Variants in CMPK2 observed in about 807,000 individuals in gnomAD.
The protein encoded by CMPK2 is UMP-CMP kinase 2, mitochondrial.
CMPK2 carries 32 observed loss-of-function variants against 33.4 expected under a neutral mutation model. That is an observed-to-expected ratio of 0.96 (90% CI 0.72 to 1.29). The LOEUF (loss-of-function observed/expected upper bound fraction) is 1.29, where lower values mean the gene tolerates loss of function less well. Among genes scored for constraint, CMPK2 ranks in the 50% most tolerant of loss-of-function variants. The pLI is 0.00. For missense variants in CMPK2, 672 were observed against 616.0 expected (o/e 1.09, Z -0.96); for synonymous variants, 299 against 275.3 (o/e 1.09, Z -0.85).
In CMPK2 at chr2:6,849,516, C is replaced by T; in HGVS notation, c.*334G>A. On this transcript the variant is annotated 3_prime_UTR_variant, in exon 5 of 5. Transcript: ENST00000256722. ...ATCTGGAAGATCTTGTCTGCTGCTT[C>T]TGTACACCTGGTGCTGTCTGAGTAA... The T allele has an allele frequency of 5.7e-6, 6 of 1,059,808 alleles. No individual in the cohort carries two copies. The highest frequency in any genetic ancestry group is 5.7e-6 in the Non-Finnish European group (5 of 877,672). 65.7% of individuals were successfully genotyped at this position (1,059,808 alleles called of 1,614,324 possible).
At chr2:6,864,476 G>C (rs1035919924) in intron 1 of CMPK2, 2 of 152,264 alleles carry the variant, frequency 1.3e-5, no homozygotes, top group African/African-American at 4.8e-5. Flanking sequence ...GTCTCTTTCT[G>C]TGGGTACCTG....
At chr2:6,841,105 G>T (rs941976576) in intron 3 of CMPK2, among the ~76,000 whole-genome samples, 2 of 152,108 alleles carry the variant, frequency 1.3e-5, no homozygotes, top group Non-Finnish European at 2.9e-5. Flanking sequence ...GTGCTTTTGA[G>T]ACCCCTTGGG....
At chr2:6,850,067 G>A (rs1662470395) in intron 4 of CMPK2, 94 bp from the exon 5 acceptor site, 4 of 926,662 alleles carry the variant, frequency 4.3e-6, no homozygotes, top group Non-Finnish European at 5.0e-6. Context: ...ATAGCTTGAA[G>A]CAAGCTTCCC....
chr2:6,851,404 T>C, intron 4 of CMPK2, 46 bp downstream of exon 4: 4 of 1,612,752 alleles, frequency 2.5e-6, no homozygotes, highest in Non-Finnish European at 3.4e-6. Context: ...TTCATCTCCC[T>C]TCAGGAATGC....
At chr2:6,844,908 C>T (rs1181590418), downstream of CMPK2, among the ~76,000 whole-genome samples, 1 of 152,190 alleles carries the variant, frequency 6.6e-6, no homozygotes, top group Non-Finnish European at 1.5e-5. Flanking sequence ...TTAAGTGGCA[C>T]AACCAGAGGA....
downstream of CMPK2, among the ~76,000 whole-genome samples, chr2:6,846,876 A>G (rs1382571152): frequency 6.6e-6 from 1 of 152,226 alleles, no homozygotes; most frequent in Non-Finnish European, 1.5e-5. Context: ...TTCCCAGCCA[A>G]TGCACCAAAA....
At chr2:6,863,260 G>T (rs1662934033) in intron 2 of CMPK2, among the ~76,000 whole-genome samples, 1 of 152,156 alleles carries the variant, frequency 6.6e-6, no homozygotes, top group Non-Finnish European at 1.5e-5. Flanking sequence ...AGAGCACTGA[G>T]GATCCGCGCC....
Position 6,865,572 on chromosome 2 carries a change from A to G in CMPK2, c.125T>C (p.Leu42Pro). 1.5e-6 allele frequency: 2 copies of G among 1,369,220 alleles called. No homozygotes were observed. Among genetic ancestry groups the G allele is most frequent in the Non-Finnish European group, 1.9e-6 (2 of 1,061,052 alleles). The allele number at this position is 1,369,220 out of a possible 1,614,324, so 84.8% of individuals were successfully genotyped here. A position where few individuals can be genotyped will look rare whatever the true frequency, so the allele number is the denominator to read the frequency against. The change falls in exon 1 of 5, where the codon CTG becomes CCG. Residue 42 changes from leucine (L) to proline (P), a missense_variant. Leu to Pro is a moderately conservative substitution (Grantham distance 98). Transcript: ENST00000256722. The stretch of plus-strand genomic sequence containing the variant: ...GTCGGCGCCTAGGGCGAAGTGAGCC[A>G]GGGTGCAGTCGGGAAGCTCCAGGAC... The part of the protein sequence containing the change: ...RFVLELPDCT[L>P]AHFALGADAP...
intron 3 of CMPK2, among the ~76,000 whole-genome samples, chr2:6,859,764 G>T (rs1318138085): frequency 6.6e-6 from 1 of 152,232 alleles, no homozygotes; most frequent in African/African-American, 2.4e-5. Context: ...AGTGTGGAAG[G>T]GAAATGTGGG....
chr2:6,841,761 T>C (rs1443808420), intron 3 of CMPK2, among the ~76,000 whole-genome samples: 1 of 152,176 alleles, frequency 6.6e-6, no homozygotes, highest in Non-Finnish European at 1.5e-5. Flanking sequence ...GCTAGCCTAT[T>C]TCCTTCAGCT....
rs893295251 is a variant in CMPK2 at position 6,863,390 on chromosome 2, G to A, written c.790+74C>T. The A allele has an allele frequency of 1.6e-5, 22 of 1,340,126 alleles. No individual in the cohort carries two copies. The African/African-American group carries it at 2.6e-4, about 16-fold the overall frequency. The allele number at this position is 1,340,126 out of a possible 1,614,324, so 83.0% of individuals were successfully genotyped here. A position where few individuals can be genotyped will look rare whatever the true frequency, so the allele number is the denominator to read the frequency against. On this transcript the variant is annotated intron_variant, in intron 2 of 4. Transcript: ENST00000256722. ...AAGGCTCCATATAAAGTTTGGTTTTGCAGGAAGTATTTCTGTTTCTGCAAC... is the reference window on the plus strand; with the variant it reads ...AAGGCTCCATATAAAGTTTGGTTTTACAGGAAGTATTTCTGTTTCTGCAAC...
downstream of CMPK2, among the ~76,000 whole-genome samples, chr2:6,845,564 G>A (rs1403050026): frequency 6.6e-6 from 1 of 152,202 alleles, no homozygotes; most frequent in Non-Finnish European, 1.5e-5. Context: ...CAGTAGGGCA[G>A]GACTAGTCAT....
At position 6,850,696 on chromosome 2, in the gene CMPK2, A is replaced by G. The variant is rs141482601; in HGVS notation, c.1227-723T>C. On this transcript the variant is annotated intron_variant, in intron 4 of 4. Transcript: ENST00000256722. Reference sequence around the variant, plus strand: ...AGTTTAATGGAATTAATACAAGTAAATTGCTTAACATAATATCTTTACCCA... The same window carrying G: ...AGTTTAATGGAATTAATACAAGTAAGTTGCTTAACATAATATCTTTACCCA... 354 of 943,614 alleles carry G rather than the reference A, an allele frequency of 3.8e-4. No individual in the cohort carries two copies. The Middle Eastern group carries it at 5.5e-3, about 15-fold the overall frequency. The allele number at this position is 943,614 out of a possible 1,614,324, so 58.5% of individuals were successfully genotyped here. A position where few individuals can be genotyped will look rare whatever the true frequency, so the allele number is the denominator to read the frequency against.
rs1300669375 is a variant in CMPK2, at chr2:6,863,565, A to G, written c.689T>C (p.Ile230Thr). Reference sequence around the variant, plus strand: ...GTCAAGCACTGCCCGGGCTTCAGGAATAAAGGAGGTACACTGTAAAACAAC... The same window carrying G: ...GTCAAGCACTGCCCGGGCTTCAGGAGTAAAGGAGGTACACTGTAAAACAAC... Reference protein sequence around the residue: ...RAVLEECTSFIPEARAVLDLV... With the variant: ...RAVLEECTSFTPEARAVLDLV... Residue 230 changes from isoleucine (I) to threonine (T), a missense_variant, in exon 2 of 5, where the codon ATT becomes ACT. By Grantham distance (89) the Ile-to-Thr change is moderately conservative. Transcript: ENST00000256722. The G allele has an allele frequency of 5.6e-6, 9 of 1,613,780 alleles. No homozygotes were observed. The highest frequency in any genetic ancestry group is 7.6e-6 in the Non-Finnish European group (9 of 1,179,846).
chr2:6,854,362 C>G (rs1662621606), intron 3 of CMPK2, among the ~76,000 whole-genome samples: 1 of 152,112 alleles, frequency 6.6e-6, no homozygotes. Flanking sequence ...TTAAAAATTA[C>G]TGTCTCTCAT....
chr2:6,848,959 C>A lies in CMPK2; in HGVS notation c.*891G>T, dbSNP rs181616191. 66 of 985,698 alleles carry A rather than the reference C, an allele frequency of 6.7e-5. No individual in the cohort carries two copies. The East Asian group carries it at 6.7e-3, about 100-fold the overall frequency. The allele number at this position is 985,698 out of a possible 1,614,324, so 61.1% of individuals were successfully genotyped here. The stretch of plus-strand genomic sequence containing the variant: ...AATACACAACAAACATTGCATTTAG[C>A]GTTTTGACTCCACTTTTAATTAATG... On this transcript the variant is annotated 3_prime_UTR_variant, in exon 5 of 5. Coordinates refer to ENST00000256722, the MANE Select transcript of CMPK2 (RefSeq NM_207315.4).
intron 3 of CMPK2, among the ~76,000 whole-genome samples, chr2:6,841,335 C>T (rs1662228728): frequency 6.6e-6 from 1 of 152,140 alleles, no homozygotes; most frequent in Non-Finnish European, 1.5e-5. Flanking sequence ...GCCAGTCCTC[C>T]CCTGGGCAGT....
chr2:6,855,820 T>C (rs1662689090), intron 3 of CMPK2, among the ~76,000 whole-genome samples: 1 of 152,136 alleles, frequency 6.6e-6, no homozygotes, highest in African/African-American at 2.4e-5. Flanking sequence ...ATTCTCCACA[T>C]ACAGTCAGGG....
rs753687740 is a variant in CMPK2 at position 6,851,566 on chromosome 2, G to C, written c.1110C>G (p.Asp370Glu). Residue 370 changes from aspartate (D) to glutamate (E), a missense_variant, in exon 4 of 5, where the codon GAC becomes GAG. Coordinates refer to ENST00000256722, the MANE Select transcript of CMPK2 (RefSeq NM_207315.4). Reference sequence around the variant, plus strand: ...GACTCACAGTGAGCAGCAGGATAAGGTCAGGTTTGAGCAGGTCCTCTGGCC... The same window carrying C: ...GACTCACAGTGAGCAGCAGGATAAGCTCAGGTTTGAGCAGGTCCTCTGGCC... ...YQWPEDLLKP[D>E]LILLLTVSPE... The C allele has an allele frequency of 6.2e-7, 1 of 1,614,208 alleles. No homozygotes were observed. The highest frequency in any genetic ancestry group is 8.5e-7 in the Non-Finnish European group (1 of 1,180,038).
Sources: allele counts gnomAD v4.1 joint callset (sites outside exome capture counted in the v4.1 genomes callset), GRCh38; gene constraint gnomAD v4.1.1; transcripts MANE v1.5; gene names NCBI Gene and HGNC (gene_info 2026-07-23, HGNC 2026-07-21).